Variants in TMCC1 observed in about 807,000 individuals in gnomAD.
TMCC1 encodes transmembrane and coiled-coil domains protein 1.
A neutral mutation model predicts 52.4 loss-of-function variants in TMCC1; 15 were observed. That is an observed-to-expected ratio of 0.29 (90% confidence interval 0.19 to 0.44). TMCC1 has a LOEUF of 0.44. Among genes scored for constraint, TMCC1 ranks in the 20% least tolerant of loss-of-function variants. The probability of loss-of-function intolerance (pLI) is 1.00; values close to 1 mark genes in which losing one functional copy is unlikely to be tolerated. For missense variants in TMCC1, 503 were observed against 806.0 expected, an observed-to-expected ratio of 0.62 and a Z score of 4.55; for synonymous variants, 279 against 301.9, an observed-to-expected ratio of 0.92 and a Z score of 0.79.
chr3:129,699,413 T>C (rs577415074), intron 4 of TMCC1, among the ~76,000 whole-genome samples: 41 of 152,314 alleles, frequency 2.7e-4, no homozygotes, highest in African/African-American at 9.1e-4. Context: ...CCCTATATGG[T>C]CTAAAAGTGG....
At chr3:129,845,609 GAAGGA>G (rs1331322311) in intron 2 of TMCC1, among the ~76,000 whole-genome samples, 1 of 152,118 alleles carries the variant, frequency 6.6e-6, no homozygotes, top group Non-Finnish European at 1.5e-5. Flanking sequence ...CCATTGGCGA[GAAGGA>G]AAGAGGCCCC....
At position 129,865,276 on chromosome 3, in the gene TMCC1, C is replaced by T. The variant is rs139607796; in HGVS notation, c.-184+15033G>A. 2.4e-3 allele frequency among the ~76,000 whole-genome samples: 364 copies of T among 152,186 alleles called. 3 individuals are homozygous for T. Among genetic ancestry groups the T allele is most frequent in the African/African-American group, 8.1e-3 (335 of 41,516 alleles). On this transcript the variant is annotated intron_variant, in intron 2 of 6. Coordinates refer to ENST00000393238, the MANE Select transcript of TMCC1 (RefSeq NM_001017395.5). ...TCCCAGGCTCAAGAGATCTTCCCAC[C>T]TCAGCTCCCACTGGAAGTACAGGTA...
At chr3:129,801,176 G>A (rs2057169778) in intron 4 of TMCC1, among the ~76,000 whole-genome samples, 1 of 152,058 alleles carries the variant, frequency 6.6e-6, no homozygotes, top group Admixed American at 6.6e-5. Flanking sequence ...GCCTGCCTCG[G>A]CCTCCCAAAG....
intron 4 of TMCC1, among the ~76,000 whole-genome samples, chr3:129,791,328 C>T (rs566218902): frequency 2.0e-5 from 3 of 152,110 alleles, no homozygotes; most frequent in Non-Finnish European, 4.4e-5. Context: ...CTCCTGACTT[C>T]GTGATCTACC....
chr3:129,875,044 T>G (rs1040220330), intron 2 of TMCC1, among the ~76,000 whole-genome samples: 2 of 152,134 alleles, frequency 1.3e-5, no homozygotes, highest in Non-Finnish European at 2.9e-5. Flanking sequence ...GTTTTCCATA[T>G]GCCCACACTG....
chr3:129,659,368 T>A (rs1430816020), intron 5 of TMCC1, among the ~76,000 whole-genome samples: 2 of 152,024 alleles, frequency 1.3e-5, no homozygotes, highest in East Asian at 3.9e-4. Flanking sequence ...GTGCTGAGAC[T>A]ACAGGTGTGG....
chr3:129,850,733 AAC>A (rs2059880280), intron 2 of TMCC1, among the ~76,000 whole-genome samples: 1 of 152,204 alleles, frequency 6.6e-6, no homozygotes, highest in African/African-American at 2.4e-5. Flanking sequence ...GAGAGCCCCG[AAC>A]AGAGATTTAG....
intron 4 of TMCC1, among the ~76,000 whole-genome samples, chr3:129,788,603 C>T (rs1465613710): frequency 6.6e-6 from 1 of 152,030 alleles, no homozygotes; most frequent in Non-Finnish European, 1.5e-5. Context: ...GCTGGGACTA[C>T]AGGCGCCCGC....
chr3:129,777,472 T>G (rs2055133975), intron 4 of TMCC1, among the ~76,000 whole-genome samples: 1 of 152,198 alleles, frequency 6.6e-6, no homozygotes, highest in Admixed American at 6.5e-5. Flanking sequence ...AGATTCCAGT[T>G]TGATTTCAGC....
At chr3:129,731,960 AC>A (rs1257411113) in intron 4 of TMCC1, among the ~76,000 whole-genome samples, 1 of 152,162 alleles carries the variant, frequency 6.6e-6, no homozygotes, top group Non-Finnish European at 1.5e-5. Flanking sequence ...GATTTATAAT[AC>A]CCAATGCAAT....
intron 2 of TMCC1, among the ~76,000 whole-genome samples, chr3:129,860,624 G>T (rs1182695339): frequency 6.7e-6 from 1 of 150,286 alleles, no homozygotes; most frequent in East Asian, 1.9e-4. Context: ...TTTTGAGATG[G>T]AGTCTCGCCC....
intron 4 of TMCC1, among the ~76,000 whole-genome samples, chr3:129,677,893 T>C (rs536681856): frequency 6.6e-6 from 1 of 152,350 alleles, no homozygotes; most frequent in South Asian, 2.1e-4. Context: ...AACTACCTAC[T>C]TAGTATCTCT....
intron 5 of TMCC1, among the ~76,000 whole-genome samples, chr3:129,655,667 C>T (rs1315383233): frequency 6.6e-6 from 1 of 152,208 alleles, no homozygotes; most frequent in Non-Finnish European, 1.5e-5. Flanking sequence ...TGCTATGTAC[C>T]AGGCATGTTC....
intron 2 of TMCC1, among the ~76,000 whole-genome samples, chr3:129,871,703 C>A (rs2060938637): frequency 6.6e-6 from 1 of 151,308 alleles, no homozygotes; most frequent in African/African-American, 2.4e-5. Context: ...ACGGCTCCTA[C>A]AAATTCATAA....
chr3:129,650,403 G>C lies in TMCC1; in HGVS notation c.*1078C>G, dbSNP rs552339501. On this transcript the variant is annotated 3_prime_UTR_variant, in exon 7 of 7. Transcript: ENST00000393238. ...CATAAAACGGGGGCGTAGGTATGTC[G>C]GGACACCAAAAAGCAGCAGCAGCAG... 6.6e-6 allele frequency: 1 copy of C among 152,342 alleles called. No individual in the cohort carries two copies. Among genetic ancestry groups the C allele is most frequent in the Non-Finnish European group, 1.5e-5 (1 of 68,058 alleles). The allele number at this position is 152,342 out of a possible 1,614,324, so 9.4% of individuals were successfully genotyped here.
chr3:129,686,661 A>G (rs917367864), intron 4 of TMCC1, among the ~76,000 whole-genome samples: 11 of 152,226 alleles, frequency 7.2e-5, no homozygotes, highest in Non-Finnish European at 1.5e-4. Flanking sequence ...ACCAGTAACC[A>G]AACAATATAA....
At chr3:129,729,522 T>A (rs922234419) in intron 4 of TMCC1, among the ~76,000 whole-genome samples, 1 of 152,140 alleles carries the variant, frequency 6.6e-6, no homozygotes, top group Non-Finnish European at 1.5e-5. Flanking sequence ...TCTCAATAAA[T>A]GAACTGTGAG....
chr3:129,699,567 ATTC>A (rs139606126), intron 4 of TMCC1, among the ~76,000 whole-genome samples: 2,379 of 152,260 alleles, frequency 0.016, 48 homozygotes, highest in African/African-American at 0.055. Context: ...TGGAGCGGCT[ATTC>A]TTTTATTCCT....
chr3:129,845,578 A>G (rs2059627026), intron 2 of TMCC1, among the ~76,000 whole-genome samples: 1 of 152,238 alleles, frequency 6.6e-6, no homozygotes, highest in Admixed American at 6.5e-5. Context: ...GATATATACT[A>G]TCAAAACAAA....
Sources: allele counts gnomAD v4.1 joint callset (sites outside exome capture counted in the v4.1 genomes callset), GRCh38; gene constraint gnomAD v4.1.1; transcripts MANE v1.5; gene names NCBI Gene and HGNC (gene_info 2026-07-23, HGNC 2026-07-21).